The following RABEPK variants were observed in gnomAD, a reference collection of about 807,000 sequenced individuals.
RABEPK encodes Rab9 effector protein with kelch motifs, also known as 40 kDa Rab9 effector protein.
Under a neutral mutation model 34.1 loss-of-function variants are expected in RABEPK, and 27 were observed. The observed-to-expected ratio is 0.79, with a 90% CI of 0.58 to 1.09. The LOEUF is 1.09. RABEPK is among the 50% of genes least tolerant of loss of function. The probability of loss-of-function intolerance (pLI) is 0.00; values close to 1 mark genes in which losing one functional copy is unlikely to be tolerated. For synonymous variants in RABEPK, 172 were observed against 169.2 expected (o/e 1.02, Z -0.13); for missense variants, 449 against 462.6 (o/e 0.97, Z 0.27).
chr9:125,202,615 A>G (rs577131277), intron 1 of RABEPK, among the ~76,000 whole-genome samples: 1 of 152,264 alleles, frequency 6.6e-6, no homozygotes, highest in South Asian at 2.1e-4. Flanking sequence ...GGATCAGCTG[A>G]GGTCAGGAGT....
At chr9:125,219,557 C>CTTTA (rs141674939) in intron 4 of RABEPK, among the ~76,000 whole-genome samples, 19,023 of 150,706 alleles carry the variant, frequency 0.13, 1,341 homozygotes, top group Non-Finnish European at 0.14. Context: ...CGACACCTGG[C>CTTTA]TTTATTTATT....
In RABEPK at chr9:125,231,894, A is replaced by ATT. The variant is rs555538576; in HGVS notation, c.677-681_677-680dup. 5.6e-3 allele frequency among the ~76,000 whole-genome samples: 630 copies of ATT among 112,620 alleles called. 14 individuals are homozygous for ATT. The highest frequency in any genetic ancestry group is 8.7e-3 in the Admixed American group (87 of 9,976). The allele number at this position is 112,620 out of a possible 152,430, so 73.9% of individuals were successfully genotyped here. A position where few individuals can be genotyped will look rare whatever the true frequency, so the allele number is the denominator to read the frequency against. On this transcript the variant is annotated intron_variant, in intron 6 of 7. Coordinates refer to ENST00000373538, the MANE Select transcript of RABEPK (RefSeq NM_005833.4). ...ACTTACAAAATCGCTAAGGAACTGT[A>ATT]TTTTTTTTTTTTTTTTTTTTTTGAG... is the stretch of plus-strand genomic sequence containing the variant.
chr9:125,203,213 A>G (rs193263878), intron 2 of RABEPK, 147 bp downstream of exon 2: 56 of 641,044 alleles, frequency 8.7e-5, no homozygotes, highest in Admixed American at 5.1e-4. Flanking sequence ...TGTCTGAGAA[A>G]GTCTTCAGAG....
intron 6 of RABEPK, 47 bp from the exon 7 acceptor site, chr9:125,232,549 C>T (rs747865107): frequency 2.5e-5 from 39 of 1,564,072 alleles, no homozygotes; most frequent in Non-Finnish European, 3.4e-5. Flanking sequence ...AGTTTGAAAG[C>T]ACATCTTAGC....
intron 4 of RABEPK, 37 bp from the exon 5 acceptor site, chr9:125,220,502 C>T: frequency 6.3e-7 from 1 of 1,593,022 alleles, no homozygotes; most frequent in African/African-American, 1.3e-5. Context: ...GCCCCTCTAC[C>T]TGGATATTTT....
chr9:125,225,826 G>C (rs929838476), intron 5 of RABEPK, among the ~76,000 whole-genome samples: 1 of 151,858 alleles, frequency 6.6e-6, no homozygotes, highest in African/African-American at 2.4e-5. Flanking sequence ...AGCCGGGCTT[G>C]GTGGTAGGCA....
At chr9:125,220,805 C>CA in intron 5 of RABEPK, 105 bp downstream of exon 5, 1 of 1,326,654 alleles carries the variant, frequency 7.5e-7, no homozygotes, top group Non-Finnish European at 1.0e-6. Context: ...CTAAGTGTCT[C>CA]ACTTCTAGAC....
intron 4 of RABEPK, 158 bp from the exon 5 acceptor site, chr9:125,220,381 A>G: frequency 6.8e-7 from 1 of 1,464,582 alleles, no homozygotes; most frequent in Non-Finnish European, 9.0e-7. Flanking sequence ...TATCATCTTC[A>G]TTCTTCCTTG....
chr9:125,210,900 C>T (rs1308009224), intron 3 of RABEPK, among the ~76,000 whole-genome samples: 1 of 144,294 alleles, frequency 6.9e-6, no homozygotes, highest in Non-Finnish European at 1.5e-5. Context: ...TGCAGAGGCA[C>T]GATCTTGGCT....
chr9:125,203,230 TA>T (rs961355471), intron 2 of RABEPK, among the ~76,000 whole-genome samples, 164 bp downstream of exon 2: 75 of 152,274 alleles, frequency 4.9e-4, no homozygotes, highest in African/African-American at 1.8e-3. Context: ...AGAGGAAAGA[TA>T]GGGGGGCAGT....
At chr9:125,208,712 T>C (rs1429915539) in intron 3 of RABEPK, among the ~76,000 whole-genome samples, 1 of 152,080 alleles carries the variant, frequency 6.6e-6, no homozygotes. Context: ...ATCTTTTGTA[T>C]TTTTAGTAGA....
intron 4 of RABEPK, among the ~76,000 whole-genome samples, chr9:125,214,200 C>T (rs1263240730): frequency 6.6e-6 from 1 of 151,942 alleles, no homozygotes; most frequent in Non-Finnish European, 1.5e-5. Context: ...AGGCTTAGAA[C>T]CCAAGTCACC....
At chr9:125,208,826 C>T (rs900015345) in intron 3 of RABEPK, among the ~76,000 whole-genome samples, 5 of 151,958 alleles carry the variant, frequency 3.3e-5, no homozygotes, top group South Asian at 2.1e-4. Flanking sequence ...TGAGCCACCA[C>T]GCCCAGCCTA....
At chr9:125,223,532 C>T (rs1831509966) in intron 5 of RABEPK, among the ~76,000 whole-genome samples, 1 of 151,938 alleles carries the variant, frequency 6.6e-6, no homozygotes, top group Non-Finnish European at 1.5e-5. Context: ...TGCTCATGGA[C>T]ACTTAGGCTA....
intron 6 of RABEPK, among the ~76,000 whole-genome samples, chr9:125,229,860 G>T (rs1832048484): frequency 6.6e-6 from 1 of 152,232 alleles, no homozygotes; most frequent in Admixed American, 6.5e-5. Context: ...CTCATTCTGG[G>T]CAATTCCTTC....
At chr9:125,219,199 CTTTTTTTT>C in intron 4 of RABEPK, among the ~76,000 whole-genome samples, 1 of 96,292 alleles carries the variant, frequency 1.0e-5, no homozygotes, top group South Asian at 3.4e-4. Flanking sequence ...TTCTTTCTTT[CTTTTTTTT>C]TTTTTTCAAG....
chr9:125,224,611 C>A (rs1215923640), intron 5 of RABEPK, among the ~76,000 whole-genome samples: 1 of 151,936 alleles, frequency 6.6e-6, no homozygotes. Flanking sequence ...TGCCACCACG[C>A]CTGGCTAATT....
At chr9:125,221,348 T>C (rs1831318196) in intron 5 of RABEPK, 1 of 150,692 alleles carries the variant, frequency 6.6e-6, no homozygotes, top group South Asian at 2.1e-4. Context: ...AATACAAAAA[T>C]TGGCCGGGTG....
At chr9:125,230,546 T>TTC (rs1284161674) in intron 6 of RABEPK, among the ~76,000 whole-genome samples, 1 of 151,280 alleles carries the variant, frequency 6.6e-6, no homozygotes, top group Non-Finnish European at 1.5e-5. Flanking sequence ...CTATTTTTTT[T>TTC]TTTTTTTGAG....
Sources: allele counts gnomAD v4.1 joint callset (sites outside exome capture counted in the v4.1 genomes callset), GRCh38; gene constraint gnomAD v4.1.1; transcripts MANE v1.5; gene names NCBI Gene and HGNC (gene_info 2026-07-23, HGNC 2026-07-21).